VWF: variants seen among roughly 807,000 people sequenced by gnomAD.
VWF encodes von Willebrand factor, also known as Factor VIII related antigen.
In VWF, 176 loss-of-function variants were observed where a neutral mutation model predicts 308.6. The observed-to-expected ratio is 0.57, with a 90% CI of 0.50 to 0.65. VWF has a LOEUF of 0.65. VWF is among the 30% of genes least tolerant of loss of function. The probability of loss-of-function intolerance (pLI) is 0.00; values close to 1 mark genes in which losing one functional copy is unlikely to be tolerated. For synonymous variants in VWF, 1,385 were observed against 1,443.4 expected (o/e 0.96, Z 0.92); for missense variants, 3,146 against 3,648.2 (o/e 0.86, Z 3.55).
intron 2 of VWF, chr12:6,122,933 C>A: frequency 1.3e-6 from 1 of 753,928 alleles, no homozygotes; most frequent in Non-Finnish European, 2.4e-6. Flanking sequence ...TCTTAATTCC[C>A]CAACAGGAGA....
At chr12:6,079,329 A>G (rs113201612) in intron 6 of VWF, among the ~76,000 whole-genome samples, 7,246 of 152,310 alleles carry the variant, frequency 0.048, 526 homozygotes, top group African/African-American at 0.15. Flanking sequence ...TCCAAGGGCC[A>G]GGCGCGGTGG....
chr12:5,953,617 C>T, intron 47 of VWF, 23 bp from the exon 48 acceptor site: 1 of 1,600,334 alleles, frequency 6.2e-7, no homozygotes, highest in South Asian at 1.1e-5. Context: ...GGGGAAAAAG[C>T]AGCCATAGTT....
At chr12:6,050,004 T>G (rs1944491269) in intron 16 of VWF, among the ~76,000 whole-genome samples, 1 of 152,200 alleles carries the variant, frequency 6.6e-6, no homozygotes, top group Admixed American at 6.5e-5. Context: ...GCTACTCTCA[T>G]GGCTGAAACT....
intron 3 of VWF, among the ~76,000 whole-genome samples, chr12:6,112,662 G>A (rs1180428102): frequency 2.6e-5 from 4 of 152,112 alleles, no homozygotes; most frequent in African/African-American, 4.8e-5. Context: ...TCCGTGGAAC[G>A]AAGCCCAGAA....
In VWF at chr12:6,075,709, G is replaced by A. The variant is rs1434240762; in HGVS notation, c.658-158C>T. Among the ~76,000 whole-genome samples the A allele has an allele frequency of 1.3e-5, 2 of 152,224 alleles. No homozygotes were observed. Among genetic ancestry groups the A allele is most frequent in the African/African-American group, 4.8e-5 (2 of 41,456 alleles). ...CATGTGTTCAATGCACCAGCCCATC[G>A]ACCAAGGAAAAGATGCTGGACCCGT... On this transcript the variant is annotated intron_variant, in intron 6 of 51. Transcript: ENST00000261405. This position sits in a 1 kb window ranked among gnomAD's most constrained non-coding sequence, Gnocchi z 4.7.
At chr12:6,008,809 A>G (rs372438458) in intron 34 of VWF, among the ~76,000 whole-genome samples, 1 of 152,220 alleles carries the variant, frequency 6.6e-6, no homozygotes, top group Non-Finnish European at 1.5e-5. Context: ...AGCGAAGTTA[A>G]AACAAATTCA....
chr12:6,041,955 AAAC>A (rs1565840889), intron 18 of VWF, among the ~76,000 whole-genome samples: 1 of 152,202 alleles, frequency 6.6e-6, no homozygotes, highest in South Asian at 2.1e-4. Context: ...ATAGTTACAG[AAAC>A]AACAATGAAA....
chr12:5,976,176 C>A lies in VWF; in HGVS notation c.7372G>T (p.Asp2458Tyr). ...CDVCTCTDME[D>Y]AVMGLRVAQC... Reference sequence around the variant, plus strand: ...GCCACGCGGAGGCCCATCACGGCATCCTCCATGTCGGTGCAGGTGCACACA... The same window carrying A: ...GCCACGCGGAGGCCCATCACGGCATACTCCATGTCGGTGCAGGTGCACACA... The change falls in exon 43 of 52, where the codon GAT (aspartate) becomes TAT (tyrosine). Residue 2458 changes from aspartate to tyrosine, a missense_variant. Asp to Tyr is a radical substitution (Grantham distance 160). Coordinates refer to ENST00000261405, the MANE Select transcript of VWF (RefSeq NM_000552.5). The A allele has an allele frequency of 1.9e-6, 3 of 1,614,148 alleles. No individual in the cohort carries two copies. The highest frequency in any genetic ancestry group is 2.5e-6 in the Non-Finnish European group (3 of 1,180,038).
At position 6,058,150 on chromosome 12, in the gene VWF, AAACAT is replaced by A; in HGVS notation, c.1534-111_1534-107del. The A allele has an allele frequency of 7.6e-7, 1 of 1,311,330 alleles. No homozygotes were observed. Among genetic ancestry groups the A allele is most frequent in the Non-Finnish European group, 1.0e-6 (1 of 956,732 alleles). The allele number at this position is 1,311,330 out of a possible 1,614,324, so 81.2% of individuals were successfully genotyped here. The stretch of plus-strand genomic sequence containing the variant: ...TAAAAAAAAAAAAGTTCCCCGGGTG[AAACAT>A]AAATATGAATGTAATAAAAGGCAGC... On this transcript the variant is annotated intron_variant, in intron 13 of 51. Coordinates refer to ENST00000261405, the MANE Select transcript of VWF (RefSeq NM_000552.5). The surrounding 1 kb of genome is among the most constrained non-coding windows in gnomAD (Gnocchi z 4.9).
intron 31 of VWF, among the ~76,000 whole-genome samples, chr12:6,015,343 A>G (rs912312873): frequency 6.6e-5 from 10 of 152,240 alleles, no homozygotes; most frequent in African/African-American, 2.4e-4. Flanking sequence ...CATATGTGAC[A>G]TAGAGAACGG....
intron 9 of VWF, among the ~76,000 whole-genome samples, chr12:6,071,561 C>T (rs1944782634): frequency 1.3e-5 from 2 of 152,058 alleles, no homozygotes; most frequent in South Asian, 4.2e-4. Context: ...GAAGAAACCC[C>T]AACAGAGAAA....
intron 5 of VWF, among the ~76,000 whole-genome samples, chr12:6,101,271 A>G (rs2048363580): frequency 6.6e-6 from 1 of 152,182 alleles, no homozygotes; most frequent in African/African-American, 2.4e-5. Flanking sequence ...GCTGGTTTCC[A>G]TCGTGTAAAT....
Position 5,949,875 on chromosome 12 carries a change from G to C in VWF, c.8164C>G (p.Pro2722Ala), listed in dbSNP as rs62641244. Residue 2722 changes from proline to alanine, a missense_variant, in exon 51 of 52, where the codon CCT becomes GCT. Around this residue, in one of 3 missense-constraint regions of VWF, gnomAD observed 989 missense variants for 1,117.4 expected, o/e 0.89. Coordinates refer to ENST00000261405, the MANE Select transcript of VWF (RefSeq NM_000552.5). ...PGTCCDTCEE[P>A]ECNDITARLQ... ...CTGGCAGTGATGTCGTTGCACTCAG[G>C]CTCCTCACCTACAGGACAGGTGAGA... 162 of 1,613,290 alleles carry C rather than the reference G, an allele frequency of 1.0e-4. No individual in the cohort carries two copies. The highest frequency in any genetic ancestry group is 1.3e-4 in the Non-Finnish European group (156 of 1,180,014).
At position 6,018,828 on chromosome 12, in the gene VWF, C is replaced by A. The variant is rs752185839; in HGVS notation, c.4590G>T (p.Val1530=). ...CCGTGACGTGGATGCTGTCCTGGCC[C>A]ACATCCATCCGCTGAATCACCTCCT... The part of the protein sequence containing the change: ...FMEEVIQRMD[V]GQDSIHVTVL... The change falls in exon 28 of 52, where the codon GTG becomes GTT. Residue 1530 remains valine (V), a synonymous_variant. Coordinates refer to ENST00000261405, the MANE Select transcript of VWF (RefSeq NM_000552.5). 1.2e-6 allele frequency: 2 copies of A among 1,613,930 alleles called. No individual in the cohort carries two copies. The highest frequency in any genetic ancestry group is 1.7e-6 in the Non-Finnish European group (2 of 1,179,880).
intron 18 of VWF, among the ~76,000 whole-genome samples, chr12:6,042,365 T>C (rs946333937): frequency 6.6e-6 from 1 of 152,194 alleles, no homozygotes; most frequent in Admixed American, 6.5e-5. Flanking sequence ...CGAGGGATGA[T>C]GTCTGCACCA....
At chr12:6,076,489 G>A (rs1944846313) in intron 6 of VWF, among the ~76,000 whole-genome samples, 3 of 152,082 alleles carry the variant, frequency 2.0e-5, no homozygotes, top group African/African-American at 7.2e-5. Flanking sequence ...CTTAGCTTTG[G>A]CACAACACAG....
chr12:6,094,657 G>A (rs1004449118), intron 6 of VWF, among the ~76,000 whole-genome samples: 23 of 152,128 alleles, frequency 1.5e-4, no homozygotes, highest in Admixed American at 4.6e-4. Context: ...CTCTGCCTTC[G>A]TGAATGGATT....
rs2136455808 is a variant in VWF, at chr12:6,057,919, C to T, written c.1659G>A (p.Trp553Ter). The change falls in exon 14 of 52, where the codon TGG becomes TGA. Residue 553 changes from tryptophan to a stop codon, truncating the protein, a stop_gained. Coordinates refer to ENST00000261405, the MANE Select transcript of VWF (RefSeq NM_000552.5). LOFTEE classifies it high-confidence loss of function. ...EPRVEDFGNA[W>*]KLHGDCQDLQ... ...GGTCCTGGCAGTCCCCGTGCAGCTT[C>T]CAGGCGTTCCCGAAGTCCTCCACCC... 1 of 1,613,670 alleles carries T rather than the reference C, an allele frequency of 6.2e-7. No individual in the cohort carries two copies. Among genetic ancestry groups the T allele is most frequent in the Non-Finnish European group, 8.5e-7 (1 of 1,179,968 alleles).
intron 18 of VWF, 98 bp from the exon 19 acceptor site, chr12:6,036,589 A>G: frequency 8.6e-7 from 1 of 1,160,256 alleles, no homozygotes; most frequent in South Asian, 1.3e-5. Flanking sequence ...ACTTGAGCCT[A>G]CGGGTAAGCC....
Sources: allele counts gnomAD v4.1 joint callset (sites outside exome capture counted in the v4.1 genomes callset), GRCh38; gene constraint gnomAD v4.1.1; regional missense constraint gnomAD v4.1.1; non-coding constraint Gnocchi (gnomAD v3.1); transcripts MANE v1.5; gene names NCBI Gene and HGNC (gene_info 2026-07-23, HGNC 2026-07-21).